The following NF2 variants were observed in gnomAD, a reference collection of about 807,000 sequenced individuals.
NF2 encodes NF2, moesin-ezrin-radixin like (MERLIN) tumor suppressor, also known as merlin.
In NF2, 8 loss-of-function variants were observed where a neutral mutation model predicts 83.7. The observed-to-expected ratio is 0.10, with a 90% CI of 0.06 to 0.17. The LOEUF is 0.17. NF2 is among the 10% of genes least tolerant of loss of function. The pLI is 1.00. For synonymous variants in NF2, 266 were observed against 269.6 expected (o/e 0.99, Z 0.13); for missense variants, 533 against 744.4 (o/e 0.72, Z 3.31).
intron 4 of NF2, among the ~76,000 whole-genome samples, chr22:29,647,037 A>G (rs937000038): frequency 1.3e-5 from 2 of 148,624 alleles, no homozygotes; most frequent in Non-Finnish European, 3.0e-5. Context: ...CTCCATCTCA[A>G]AAAAAAAAAA....
rs1193330194 is a variant in NF2, at chr22:29,697,985, T to C, written c.*3183T>C. On this transcript the variant is annotated 3_prime_UTR_variant, in exon 16 of 16. Coordinates refer to ENST00000338641, the MANE Select transcript of NF2 (RefSeq NM_000268.4). The stretch of plus-strand genomic sequence containing the variant: ...TTTCATTACGAGCCCTTCTGCTGGC[T>C]CTCAGGCAGAAGCCCCACAGCACCG... The C allele has an allele frequency of 4.4e-6, 1 of 227,586 alleles. No homozygotes were observed. Among genetic ancestry groups the C allele is most frequent in the African/African-American group, 2.2e-5 (1 of 44,958 alleles). 14.1% of individuals were successfully genotyped at this position (227,586 alleles called of 1,614,324 possible).
chr22:29,632,665 T>G (rs560860413), intron 1 of NF2, among the ~76,000 whole-genome samples: 1 of 152,186 alleles, frequency 6.6e-6, no homozygotes, highest in Admixed American at 6.5e-5. Context: ...GAGCGGGAGT[T>G]AACTGGCTTT....
intron 4 of NF2, among the ~76,000 whole-genome samples, chr22:29,645,858 T>A (rs1383145586): frequency 1.3e-5 from 2 of 152,214 alleles, no homozygotes. Context: ...ATGAAAGTGA[T>A]TCACAGACGA....
chr22:29,683,371 G>C, intron 15 of NF2: 1 of 1,355,536 alleles, frequency 7.4e-7, no homozygotes. Flanking sequence ...TTCTTGTCCA[G>C]TCAGGTGTGT....
intron 13 of NF2, 31 bp downstream of exon 13, chr22:29,674,972 C>G (rs961628774): frequency 1.3e-6 from 2 of 1,533,328 alleles, no homozygotes; most frequent in Non-Finnish European, 1.8e-6. Flanking sequence ...CTGGGGCTGC[C>G]TTAGTCCTGG....
At position 29,695,361 on chromosome 22, in the gene NF2, C is replaced by T; in HGVS notation, c.*559C>T. 3.9e-6 allele frequency: 1 copy of T among 259,558 alleles called. No individual in the cohort carries two copies. Among genetic ancestry groups the T allele is most frequent in the Non-Finnish European group, 7.6e-6 (1 of 132,434 alleles). 16.1% of individuals were successfully genotyped at this position (259,558 alleles called of 1,614,324 possible). ...GCTCGTGACGAGCAAGTGCTGGGTC[C>T]CCGCCAGGCACCCCGAGGCGGCGCT... On this transcript the variant is annotated 3_prime_UTR_variant, in exon 16 of 16. Transcript: ENST00000338641. This position sits in a 1 kb window ranked among gnomAD's most constrained non-coding sequence, Gnocchi z 5.4.
rs965231734 is a variant in NF2, at chr22:29,604,077, G to A, written c.79G>A (p.Val27Ile). The A allele has an allele frequency of 1.2e-6, 2 of 1,607,678 alleles. No individual in the cohort carries two copies. The highest frequency in any genetic ancestry group is 1.7e-6 in the Non-Finnish European group (2 of 1,177,216). ...KQPKTFTVRI[V>I]TMDAEMEFNC... Reference sequence around the variant, plus strand: ...ACCCAAGACGTTCACCGTGAGGATCGTCACCATGGACGCCGAGATGGAGTT... The same window carrying A: ...ACCCAAGACGTTCACCGTGAGGATCATCACCATGGACGCCGAGATGGAGTT... The change falls in exon 1 of 16, where the codon GTC (valine) becomes ATC (isoleucine). Residue 27 changes from valine (V) to isoleucine (I), a missense_variant. Around this residue, in one of 3 missense-constraint regions of NF2, gnomAD observed 326 missense variants for 475.1 expected, o/e 0.69. Transcript: ENST00000338641.
intron 4 of NF2, 36 bp downstream of exon 4, chr22:29,642,321 C>G (rs771003041): frequency 6.4e-7 from 1 of 1,563,582 alleles, no homozygotes; most frequent in Non-Finnish European, 8.8e-7. Flanking sequence ...TTTTCCTGGG[C>G]GTTAATTTGG....
intron 1 of NF2, among the ~76,000 whole-genome samples, chr22:29,619,611 G>A (rs1305530514): frequency 1.3e-5 from 2 of 151,280 alleles, no homozygotes; most frequent in African/African-American, 4.9e-5. Context: ...TGGTCAGGCT[G>A]GTCTTGAACT....
rs1172227755 is a variant in NF2, at chr22:29,636,938, C to T, written c.240+62C>T. 3.7e-6 allele frequency: 6 copies of T among 1,611,422 alleles called. No homozygotes were observed. The highest frequency in any genetic ancestry group is 5.1e-6 in the Non-Finnish European group (6 of 1,179,032). ...GTGAGCTTTCCAGTTTTTCCCTGAG[C>T]AGGCGCCTAGCTCATCACTGGGGCG... is the stretch of plus-strand genomic sequence containing the variant. On this transcript the variant is annotated intron_variant, in intron 2 of 15. Coordinates refer to ENST00000338641, the MANE Select transcript of NF2 (RefSeq NM_000268.4). The surrounding 1 kb of genome is among the most constrained non-coding windows in gnomAD (Gnocchi z 4.4).
At chr22:29,673,925 ATCCC>A (rs1297034779) in intron 12 of NF2, among the ~76,000 whole-genome samples, 5 of 152,232 alleles carry the variant, frequency 3.3e-5, no homozygotes, top group Admixed American at 2.0e-4. Flanking sequence ...TAGTGCCTGC[ATCCC>A]CCAGCCTTTC....
rs112435807 is a variant in NF2, at chr22:29,609,081, C to T, written c.114+4969C>T. 1.4e-3 allele frequency: 1,011 copies of T among 741,454 alleles called. 4 individuals are homozygous for T. The African/African-American group carries it at 0.015, about 11-fold the overall frequency. The allele number at this position is 741,454 out of a possible 1,614,324, so 45.9% of individuals were successfully genotyped here. ...GTAAAGCCAATGGCTATAAGAGGAG[C>T]CAATCAGTACATCTTTCATCTCGAG... On this transcript the variant is annotated intron_variant, in intron 1 of 15. Coordinates refer to ENST00000338641, the MANE Select transcript of NF2 (RefSeq NM_000268.4).
chr22:29,657,683 G>A lies in NF2; in HGVS notation c.600-506G>A, dbSNP rs542795713. Among the ~76,000 whole-genome samples, 33 of 152,308 alleles carry A rather than the reference G, an allele frequency of 2.2e-4. No homozygotes were observed. In the South Asian group the frequency reaches 6.8e-3, roughly 32 times the overall value. ...GCTTACTTTAAATTATAACTTAGAT[G>A]AAGGTGATCTGACTTGGGTTTTACA... On this transcript the variant is annotated intron_variant, in intron 6 of 15. Coordinates refer to ENST00000338641, the MANE Select transcript of NF2 (RefSeq NM_000268.4).
At position 29,604,097 on chromosome 22, in the gene NF2, G is replaced by A; in HGVS notation, c.99G>A (p.Met33Ile). The A allele has an allele frequency of 1.2e-6, 2 of 1,606,126 alleles. No individual in the cohort carries two copies. The highest frequency in any genetic ancestry group is 1.7e-6 in the Non-Finnish European group (2 of 1,176,440). Residue 33 changes from methionine to isoleucine, a missense_variant, in exon 1 of 16, where the codon ATG becomes ATA. Physicochemically the swap from Met to Ile is conservative, Grantham distance 10 (BLOSUM62 1). This residue lies in a region of NF2 where 326 missense variants were observed against 475.1 expected (regional missense o/e 0.69). Coordinates refer to ENST00000338641, the MANE Select transcript of NF2 (RefSeq NM_000268.4). ...GGATCGTCACCATGGACGCCGAGAT[G>A]GAGTTCAATTGCGAGGTAACCGGCC... The part of the protein sequence containing the change: ...TVRIVTMDAE[M>I]EFNCEMKWKG...
chr22:29,645,627 C>T (rs1282207376), intron 4 of NF2, among the ~76,000 whole-genome samples: 3 of 152,140 alleles, frequency 2.0e-5, no homozygotes, highest in Non-Finnish European at 4.4e-5. Context: ...CCTTTTCGCA[C>T]GCTTTCTCCC....
intron 11 of NF2, among the ~76,000 whole-genome samples, 185 bp from the exon 12 acceptor site, chr22:29,673,084 A>C (rs1479742301): frequency 6.6e-6 from 1 of 152,226 alleles, no homozygotes; most frequent in Non-Finnish European, 1.5e-5. Flanking sequence ...GTGCAGCCCG[A>C]AGGGCCCTTC....
rs950129657 is a variant in NF2 at position 29,664,976 on chromosome 22, C to T, written c.811-14C>T. On this transcript the variant is annotated splice_polypyrimidine_tract_variant and intron_variant, in intron 8 of 15. Coordinates refer to ENST00000338641, the MANE Select transcript of NF2 (RefSeq NM_000268.4). ...GCTGTCGGACTGAAACTGTGTTCTG[C>T]TTCATTCTTCCAGTTTACTATTAAA... The T allele has an allele frequency of 1.9e-6, 3 of 1,595,078 alleles. No homozygotes were observed. Among genetic ancestry groups the T allele is most frequent in the Non-Finnish European group, 1.7e-6 (2 of 1,163,066 alleles).
chr22:29,680,183 C>T (rs182558206), intron 14 of NF2, among the ~76,000 whole-genome samples: 312 of 151,948 alleles, frequency 2.1e-3, no homozygotes, highest in African/African-American at 7.0e-3. Context: ...GCGATCTCGG[C>T]TCACTGTAAC....
intron 1 of NF2, among the ~76,000 whole-genome samples, chr22:29,627,797 G>A (rs1230518331): frequency 6.6e-6 from 1 of 152,240 alleles, no homozygotes; most frequent in African/African-American, 2.4e-5. Context: ...AAGGTGCTGT[G>A]ATTTGTTTCT....
Sources: allele counts gnomAD v4.1 joint callset (sites outside exome capture counted in the v4.1 genomes callset), GRCh38; gene constraint gnomAD v4.1.1; regional missense constraint gnomAD v4.1.1; non-coding constraint Gnocchi (gnomAD v3.1); transcripts MANE v1.5; gene names NCBI Gene and HGNC (gene_info 2026-07-23, HGNC 2026-07-21).